RGS10: variants seen among roughly 807,000 people sequenced by gnomAD.
RGS10 encodes the protein regulator of G-protein signalling 10.
A neutral mutation model predicts 23.5 loss-of-function variants in RGS10; 11 were observed. The ratio of observed to expected loss-of-function variants is 0.47; its 90% CI spans 0.29 to 0.77. The LOEUF (loss-of-function observed/expected upper bound fraction) is 0.77, where lower values mean the gene tolerates loss of function less well. RGS10 is among the 30% of genes least tolerant of loss of function. The pLI is 0.08. For synonymous variants in RGS10, 77 were observed against 83.2 expected, an observed-to-expected ratio of 0.92 and a Z score of 0.41; for missense variants, 180 against 226.3, an observed-to-expected ratio of 0.80 and a Z score of 1.31.
At chr10:119,514,130 C>T (rs142172826) in intron 4 of RGS10, among the ~76,000 whole-genome samples, 6,708 of 151,426 alleles carry the variant, frequency 0.044, 271 homozygotes, top group East Asian at 0.21. Flanking sequence ...CCGACGCGGG[C>T]GGATCAGTTG....
chr10:119,527,189 C>G lies in RGS10; in HGVS notation c.168+117G>C. On this transcript the variant is annotated intron_variant, in intron 2 of 4. Transcript: ENST00000369103. The surrounding 1 kb of genome is among the most constrained non-coding windows in gnomAD (Gnocchi z 4.2). ...GGATAGACAGTACTGAACTCTCAAGCTGGCATAGAGAGTGCTACGCTGACA... is the reference window on the plus strand; with the variant it reads ...GGATAGACAGTACTGAACTCTCAAGGTGGCATAGAGAGTGCTACGCTGACA... 1 of 681,460 alleles carries G rather than the reference C, an allele frequency of 1.5e-6. No homozygotes were observed. The highest frequency in any genetic ancestry group is 1.8e-5 in the African/African-American group (1 of 55,874). 42.2% of individuals were successfully genotyped at this position (681,460 alleles called of 1,614,324 possible).
chr10:119,539,230 C>A (rs1447570434), intron 1 of RGS10, among the ~76,000 whole-genome samples: 1 of 152,236 alleles, frequency 6.6e-6, no homozygotes. Context: ...GCTGCCAAGG[C>A]TACCCTGCTG....
intron 4 of RGS10, among the ~76,000 whole-genome samples, chr10:119,512,420 G>A (rs1310495297): frequency 2.0e-5 from 3 of 152,258 alleles, no homozygotes; most frequent in Middle Eastern, 6.8e-3. Flanking sequence ...AGTTTTCAAA[G>A]CAAAACGGAA....
Position 119,538,879 on chromosome 10 carries a change from A to C in RGS10, c.49+3711T>G, listed in dbSNP as rs530426063. The stretch of plus-strand genomic sequence containing the variant: ...ATAAATTTAGTGCAGTTTAAGCAAC[A>C]GGTTCCCAGAGCCCAGCATCTGGGG... On this transcript the variant is annotated intron_variant, in intron 1 of 4. Coordinates refer to ENST00000369103, the MANE Select transcript of RGS10 (RefSeq NM_001005339.2). The surrounding 1 kb of genome is among the most constrained non-coding windows in gnomAD (Gnocchi z 4.5). Among the ~76,000 whole-genome samples the C allele has an allele frequency of 6.6e-6, 1 of 152,314 alleles. No individual in the cohort carries two copies. Among genetic ancestry groups the C allele is most frequent in the East Asian group, 1.9e-4 (1 of 5,174 alleles).
intron 1 of RGS10, among the ~76,000 whole-genome samples, chr10:119,539,393 G>A (rs1351285182): frequency 3.3e-4 from 51 of 152,246 alleles, no homozygotes; most frequent in Non-Finnish European, 1.5e-5. Context: ...CCGGCAGGGT[G>A]GGAATTCCCC....
At position 119,515,586 on chromosome 10, in the gene RGS10, C is replaced by T. The variant is rs147982585; in HGVS notation, c.322G>A (p.Val108Met). Reference sequence around the variant, plus strand: ...TCGTTGAGCCGAGACTGCCCCTCCACGTTGACCTGTGATGAGGCCTTGCTG... The same window carrying T: ...TCGTTGAGCCGAGACTGCCCCTCCATGTTGACCTGTGATGAGGCCTTGCTG... ...LSSKASSQVN[V>M]EGQSRLNEKI... Residue 108 changes from valine (V) to methionine (M), a missense_variant, in exon 4 of 5, where the codon GTG becomes ATG. Physicochemically the swap from Val to Met is conservative, Grantham distance 21 (BLOSUM62 1). Transcript: ENST00000369103. 5 of 1,614,066 alleles carry T rather than the reference C, an allele frequency of 3.1e-6. No homozygotes were observed. Among genetic ancestry groups the T allele is most frequent in the Non-Finnish European group, 4.2e-6 (5 of 1,180,036 alleles).
At chr10:119,514,605 C>A (rs1321584705) in intron 4 of RGS10, among the ~76,000 whole-genome samples, 9 of 147,786 alleles carry the variant, frequency 6.1e-5, no homozygotes, top group African/African-American at 2.3e-4. Flanking sequence ...TTGCAGTGAA[C>A]CAAGATCAAG....
chr10:119,506,859 C>A lies in RGS10; in HGVS notation c.400-6600G>T, dbSNP rs577347153. Among the ~76,000 whole-genome samples the A allele has an allele frequency of 6.6e-5, 10 of 152,256 alleles. No homozygotes were observed. In the East Asian group the frequency reaches 1.9e-3, roughly 29 times the overall value. On this transcript the variant is annotated intron_variant, in intron 4 of 4. Transcript: ENST00000369103. The stretch of plus-strand genomic sequence containing the variant: ...GGAATTACAGGCACGTGCCACCACA[C>A]CCAGCTAATTTTTGTATTTTTAGTA...
At chr10:119,501,853 A>G (rs1032112148) in intron 4 of RGS10, among the ~76,000 whole-genome samples, 9 of 152,252 alleles carry the variant, frequency 5.9e-5, no homozygotes, top group Non-Finnish European at 1.3e-4. Context: ...TTACACCTTC[A>G]TCTTCCCAAG....
chr10:119,506,409 G>A (rs1263838585), intron 4 of RGS10, among the ~76,000 whole-genome samples: 2 of 152,272 alleles, frequency 1.3e-5, no homozygotes, highest in Admixed American at 1.3e-4. Context: ...TGGACAGTGT[G>A]CCAGGGGTGG....
chr10:119,512,946 T>C (rs1844095754), intron 4 of RGS10, among the ~76,000 whole-genome samples: 1 of 152,184 alleles, frequency 6.6e-6, no homozygotes, highest in African/African-American at 2.4e-5. Flanking sequence ...ACATATACAT[T>C]ATTATTACAC....
intron 1 of RGS10, among the ~76,000 whole-genome samples, chr10:119,533,867 C>A (rs924045499): frequency 1.3e-5 from 2 of 152,174 alleles, no homozygotes; most frequent in Admixed American, 1.3e-4. Flanking sequence ...CTCTTTACGT[C>A]ATTTTAGATC....
At chr10:119,533,934 T>C (rs1844357371) in intron 1 of RGS10, among the ~76,000 whole-genome samples, 3 of 152,196 alleles carry the variant, frequency 2.0e-5, no homozygotes, top group Non-Finnish European at 2.9e-5. Context: ...TTCAGACTAC[T>C]CTGTCATTAG....
At chr10:119,516,646 A>G (rs924409930) in intron 3 of RGS10, among the ~76,000 whole-genome samples, 11 of 152,178 alleles carry the variant, frequency 7.2e-5, no homozygotes, top group Admixed American at 5.2e-4. Context: ...TCAAGTCCCG[A>G]GTGCAGTCCT....
chr10:119,538,732 G>A lies in RGS10; in HGVS notation c.49+3858C>T, dbSNP rs541055816. On this transcript the variant is annotated intron_variant, in intron 1 of 4. Coordinates refer to ENST00000369103, the MANE Select transcript of RGS10 (RefSeq NM_001005339.2). The surrounding 1 kb of genome is among the most constrained non-coding windows in gnomAD (Gnocchi z 4.5). ...GGACTGTCTCACTCCAGCGGATGCC[G>A]CCTGACAGCTCTTATCAAGGGGCCA... Among the ~76,000 whole-genome samples the A allele has an allele frequency of 5.3e-5, 8 of 152,272 alleles. No homozygotes were observed. In the South Asian group the frequency reaches 6.2e-4, roughly 12 times the overall value.
intron 1 of RGS10, among the ~76,000 whole-genome samples, chr10:119,533,054 A>AAG (rs2133959544): frequency 6.7e-6 from 1 of 149,844 alleles, no homozygotes; most frequent in East Asian, 2.0e-4. Context: ...AAAAAAAAAA[A>AAG]AAATCATAAA....
intron 4 of RGS10, among the ~76,000 whole-genome samples, chr10:119,503,706 A>T (rs1161425383): frequency 2.0e-5 from 3 of 152,170 alleles, no homozygotes; most frequent in African/African-American, 4.8e-5. Context: ...TCAAGGTGCC[A>T]TCAGGGTTGG....
In RGS10 at chr10:119,522,714, G is replaced by A. The variant is rs568702631; in HGVS notation, c.255+3318C>T. On this transcript the variant is annotated intron_variant, in intron 3 of 4. Coordinates refer to ENST00000369103, the MANE Select transcript of RGS10 (RefSeq NM_001005339.2). ...GCCTGGGCGAGAAGAGCGAAACTCC[G>A]TCTCAAAAAAAAAAAAAAAAACAAA... Among the ~76,000 whole-genome samples the A allele has an allele frequency of 1.1e-4, 12 of 110,714 alleles. No homozygotes were observed. In the East Asian group the frequency reaches 1.4e-3, roughly 13 times the overall value. The allele number at this position is 110,714 out of a possible 152,430, so 72.6% of individuals were successfully genotyped here. A position where few individuals can be genotyped will look rare whatever the true frequency, so the allele number is the denominator to read the frequency against.
chr10:119,531,096 T>C (rs972234208), intron 1 of RGS10, among the ~76,000 whole-genome samples: 2 of 152,138 alleles, frequency 1.3e-5, no homozygotes, highest in Non-Finnish European at 2.9e-5. Context: ...AAAGTATAAA[T>C]CCAATTAAAA....
Sources: allele counts gnomAD v4.1 joint callset (sites outside exome capture counted in the v4.1 genomes callset), GRCh38; gene constraint gnomAD v4.1.1; non-coding constraint Gnocchi (gnomAD v3.1); transcripts MANE v1.5; gene names NCBI Gene and HGNC (gene_info 2026-07-23, HGNC 2026-07-21).